CADM2: variants seen among roughly 807,000 people sequenced by gnomAD.
CADM2 encodes immunoglobulin superfamily member 4D.
Under a neutral mutation model 49.8 loss-of-function variants are expected in CADM2, and 12 were observed. That is an observed-to-expected ratio of 0.24 (90% confidence interval 0.15 to 0.39). The LOEUF (loss-of-function observed/expected upper bound fraction) is 0.39, where lower values mean the gene tolerates loss of function less well. CADM2 is among the 10% of genes least tolerant of loss of function. The probability of loss-of-function intolerance (pLI) is 1.00; values close to 1 mark genes in which losing one functional copy is unlikely to be tolerated. For missense variants in CADM2, 378 were observed against 492.3 expected (o/e 0.77, Z 2.20); for synonymous variants, 214 against 175.4 (o/e 1.22, Z -1.74).
chr3:85,545,000 C>T (rs1429398770), intron 1 of CADM2, among the ~76,000 whole-genome samples: 2 of 152,090 alleles, frequency 1.3e-5, no homozygotes, highest in Non-Finnish European at 2.9e-5. Flanking sequence ...CAGACCTGCT[C>T]CTTGTCAAAA....
chr3:85,492,270 A>G (rs908757361), intron 1 of CADM2, among the ~76,000 whole-genome samples: 2 of 152,138 alleles, frequency 1.3e-5, no homozygotes, highest in African/African-American at 4.8e-5. Context: ...TTGATCCATA[A>G]GTAAGGAAAC....
intron 8 of CADM2, among the ~76,000 whole-genome samples, chr3:85,972,320 T>C (rs1313069963): frequency 1.3e-5 from 2 of 151,742 alleles, no homozygotes; most frequent in African/African-American, 4.8e-5. Flanking sequence ...GATAGGGAAA[T>C]GTGAGTACCT....
intron 1 of CADM2, among the ~76,000 whole-genome samples, chr3:85,712,409 T>C (rs904417566): frequency 2.0e-5 from 3 of 152,194 alleles, no homozygotes; most frequent in African/African-American, 7.2e-5. Flanking sequence ...CTCTACCCTT[T>C]GTTATCATAT....
At chr3:85,994,215 C>G (rs1729099534) in intron 8 of CADM2, 1 of 152,204 alleles carries the variant, frequency 6.6e-6, no homozygotes, top group Admixed American at 6.5e-5. Context: ...GCCCTTGTTG[C>G]TTCACCTTGC....
chr3:85,039,829 T>A (rs1460640274), intron 1 of CADM2, among the ~76,000 whole-genome samples: 2 of 152,132 alleles, frequency 1.3e-5, no homozygotes, highest in African/African-American at 4.8e-5. Flanking sequence ...TTGCTACTAC[T>A]CCTCTTAACT....
chr3:85,476,428 T>G (rs2038976793), intron 1 of CADM2, among the ~76,000 whole-genome samples: 1 of 151,930 alleles, frequency 6.6e-6, no homozygotes, highest in African/African-American at 2.4e-5. Flanking sequence ...AAAAATGATA[T>G]TCTTTAAAAA....
chr3:85,949,802 A>G (rs1480610058), intron 7 of CADM2, among the ~76,000 whole-genome samples: 1 of 151,034 alleles, frequency 6.6e-6, no homozygotes, highest in East Asian at 1.9e-4. Context: ...TCAATACTAG[A>G]TCTTATAAGG....
At chr3:85,857,075 A>T (rs1037983017) in intron 3 of CADM2, among the ~76,000 whole-genome samples, 15 of 152,196 alleles carry the variant, frequency 9.9e-5, no homozygotes, top group African/African-American at 3.1e-4. Context: ...GTTCTCTTTC[A>T]GGTTGTAGAC....
At chr3:86,014,953 C>T in intron 8 of CADM2, 3 of 1,427,850 alleles carry the variant, frequency 2.1e-6, no homozygotes, top group African/African-American at 1.4e-5. Context: ...CGTCTTAAAG[C>T]ATATTTAAGG....
intron 1 of CADM2, among the ~76,000 whole-genome samples, chr3:85,110,227 C>A (rs376091027): frequency 6.6e-6 from 1 of 151,620 alleles, no homozygotes; most frequent in Non-Finnish European, 1.5e-5. Flanking sequence ...AGCAGGAGGT[C>A]TATTCGTATA....
chr3:86,051,451 T>C (rs1249022620), intron 8 of CADM2, among the ~76,000 whole-genome samples: 1 of 152,196 alleles, frequency 6.6e-6, no homozygotes, highest in Non-Finnish European at 1.5e-5. Flanking sequence ...CCAAACTTTT[T>C]CCAGCCTCGC....
chr3:85,923,903 G>A (rs920740055), intron 6 of CADM2, among the ~76,000 whole-genome samples: 1 of 152,156 alleles, frequency 6.6e-6, no homozygotes, highest in African/African-American at 2.4e-5. Flanking sequence ...CATGTGATTA[G>A]TTGTTACTGT....
rs540118637 is a variant in CADM2 at position 85,675,605 on chromosome 3, C to T, written c.62-50917C>T. ...GAATTCTAGATTTCATGCCTTTCTCCGGGTATCTTTTCTAGTACACTGAAT... is the reference window on the plus strand; with the variant it reads ...GAATTCTAGATTTCATGCCTTTCTCTGGGTATCTTTTCTAGTACACTGAAT... On this transcript the variant is annotated intron_variant, in intron 1 of 9. Coordinates refer to ENST00000383699, the MANE Select transcript of CADM2 (RefSeq NM_001167675.2). Among the ~76,000 whole-genome samples the T allele has an allele frequency of 2.4e-4, 37 of 152,154 alleles. No homozygotes were observed. The South Asian group carries it at 2.5e-3, about 10-fold the overall frequency.
At chr3:85,559,642 A>G (rs998771234) in intron 1 of CADM2, among the ~76,000 whole-genome samples, 3 of 145,936 alleles carry the variant, frequency 2.1e-5, no homozygotes, top group African/African-American at 7.7e-5. Context: ...TGCTTAAGCC[A>G]TGATTTAAAA....
intron 1 of CADM2, among the ~76,000 whole-genome samples, chr3:85,548,275 G>A (rs2061714999): frequency 2.0e-5 from 1 of 49,464 alleles, no homozygotes; most frequent in South Asian, 6.5e-4. Context: ...ACATTTATCC[G>A]AAAGCTCAAC....
chr3:85,741,335 G>T (rs1173075022), intron 2 of CADM2, among the ~76,000 whole-genome samples: 1 of 148,966 alleles, frequency 6.7e-6, no homozygotes, highest in African/African-American at 2.5e-5. Flanking sequence ...CCCCTCAAGA[G>T]AAAAAAAAAA....
rs530826134 is a variant in CADM2, at chr3:84,971,589, A to G, written c.61+11921A>G. On this transcript the variant is annotated intron_variant, in intron 1 of 9. Coordinates refer to ENST00000383699, the MANE Select transcript of CADM2 (RefSeq NM_001167675.2). ...GCATAGTATTATAGAGGTCTGGTGG[A>G]AGTCACTAATTTATTTTAAACTTTA... Among the ~76,000 whole-genome samples the G allele has an allele frequency of 3.0e-5, 4 of 131,844 alleles. No homozygotes were observed. The South Asian group carries it at 9.5e-4, about 31-fold the overall frequency. 86.5% of individuals were successfully genotyped at this position (131,844 alleles called of 152,430 possible).
intron 1 of CADM2, among the ~76,000 whole-genome samples, chr3:85,247,631 A>G (rs559743430): frequency 4.5e-4 from 69 of 152,164 alleles, no homozygotes; most frequent in Admixed American, 6.5e-4. Context: ...ATAATTCCCT[A>G]ATTATTTAGG....
intron 1 of CADM2, among the ~76,000 whole-genome samples, chr3:85,014,407 TC>T (rs1015134041): frequency 1.3e-4 from 20 of 152,138 alleles, no homozygotes; most frequent in African/African-American, 4.8e-4. Flanking sequence ...AAATTAAATT[TC>T]ATCATAAGTA....
Sources: allele counts gnomAD v4.1 joint callset (sites outside exome capture counted in the v4.1 genomes callset), GRCh38; gene constraint gnomAD v4.1.1; transcripts MANE v1.5; gene names NCBI Gene and HGNC (gene_info 2026-07-23, HGNC 2026-07-21).